The following SLC35F1 variants were observed in gnomAD, a reference collection of about 807,000 sequenced individuals.
The protein encoded by SLC35F1 is solute carrier family 35 member F1, also known as chromosome 6 open reading frame 169.
A neutral mutation model predicts 48.7 loss-of-function variants in SLC35F1; 14 were observed. That is an observed-to-expected ratio of 0.29 (90% CI 0.19 to 0.45). The LOEUF (loss-of-function observed/expected upper bound fraction) is 0.45, where lower values mean the gene tolerates loss of function less well. Among genes scored for constraint, SLC35F1 ranks in the 20% least tolerant of loss-of-function variants. The probability of loss-of-function intolerance (pLI) is 1.00; values close to 1 mark genes in which losing one functional copy is unlikely to be tolerated. For synonymous variants in SLC35F1, 190 were observed against 202.2 expected (o/e 0.94, Z 0.51); for missense variants, 404 against 500.0 (o/e 0.81, Z 1.83).
At position 117,907,308 on chromosome 6, in the gene SLC35F1, C is replaced by T. The variant is rs1487773347; in HGVS notation, c.-419C>T. On this transcript the variant is annotated 5_prime_UTR_variant, in exon 1 of 8. Coordinates refer to ENST00000360388, the MANE Select transcript of SLC35F1 (RefSeq NM_001029858.4). ...CCGAGCGGGGCACAGGCTGAGGCGG[C>T]GCCAGCACAACTGCCGCCGCGCGCC... 6.6e-6 allele frequency among the ~76,000 whole-genome samples: 1 copy of T among 150,848 alleles called. No individual in the cohort carries two copies. The highest frequency in any genetic ancestry group is 2.4e-5 in the African/African-American group (1 of 41,220).
chr6:118,160,619 G>A (rs548042049), intron 2 of SLC35F1, among the ~76,000 whole-genome samples: 2 of 152,218 alleles, frequency 1.3e-5, no homozygotes, highest in East Asian at 1.9e-4. Context: ...AAATCCTAGA[G>A]GTCTAGGTTC....
chr6:118,255,967 A>G (rs1004509104), intron 3 of SLC35F1, among the ~76,000 whole-genome samples: 3 of 151,994 alleles, frequency 2.0e-5, no homozygotes, highest in African/African-American at 7.3e-5. Flanking sequence ...TCTGAGAAGG[A>G]AAAAAAATCT....
intron 1 of SLC35F1, among the ~76,000 whole-genome samples, chr6:117,991,281 G>A (rs1202077336): frequency 2.0e-5 from 3 of 151,648 alleles, no homozygotes; most frequent in East Asian, 1.9e-4. Flanking sequence ...TAATTTTGAA[G>A]TTCTTTCAGA....
At chr6:118,082,182 C>T (rs560166165) in intron 1 of SLC35F1, among the ~76,000 whole-genome samples, 120 of 152,258 alleles carry the variant, frequency 7.9e-4, no homozygotes, top group African/African-American at 2.8e-3. Context: ...AGGGTCTAGG[C>T]AATTACGATT....
chr6:117,981,174 T>C (rs989663637), intron 1 of SLC35F1, among the ~76,000 whole-genome samples: 2 of 152,156 alleles, frequency 1.3e-5, no homozygotes, highest in African/African-American at 4.8e-5. Flanking sequence ...TTTTGTATTT[T>C]GGTCATGTTG....
chr6:117,970,494 A>G (rs770649085), intron 1 of SLC35F1, among the ~76,000 whole-genome samples: 4 of 152,206 alleles, frequency 2.6e-5, no homozygotes, highest in African/African-American at 7.2e-5. Context: ...TTTCCTTGTC[A>G]GCTCCTTGTG....
intron 3 of SLC35F1, among the ~76,000 whole-genome samples, chr6:118,258,282 C>G (rs183484504): frequency 1.3e-5 from 2 of 152,064 alleles, no homozygotes; most frequent in African/African-American, 4.8e-5. Context: ...ATTTTTCTAA[C>G]GAAAACCCTC....
At chr6:117,974,100 G>A (rs1174370485) in intron 1 of SLC35F1, among the ~76,000 whole-genome samples, 1 of 152,142 alleles carries the variant, frequency 6.6e-6, no homozygotes, top group Admixed American at 6.5e-5. Context: ...TGGACAAATT[G>A]TTTAATCTCT....
At chr6:118,039,277 ATTTT>A (rs150257537) in intron 1 of SLC35F1, among the ~76,000 whole-genome samples, 1 of 151,244 alleles carries the variant, frequency 6.6e-6, no homozygotes, top group Non-Finnish European at 1.5e-5. Context: ...TCATGTCAAG[ATTTT>A]TTTTTCTTTA....
chr6:118,232,412 G>A (rs969106245), intron 2 of SLC35F1, among the ~76,000 whole-genome samples: 1 of 152,010 alleles, frequency 6.6e-6, no homozygotes, highest in Non-Finnish European at 1.5e-5. Flanking sequence ...GCTGGGCGTG[G>A]TGGTGCATGC....
At chr6:118,179,874 A>G (rs1263952317) in intron 2 of SLC35F1, among the ~76,000 whole-genome samples, 2 of 152,126 alleles carry the variant, frequency 1.3e-5, no homozygotes, top group Non-Finnish European at 2.9e-5. Context: ...GTAGTGTTCT[A>G]GAACCTGGGT....
At chr6:117,913,040 T>C (rs372178383) in intron 1 of SLC35F1, among the ~76,000 whole-genome samples, 1 of 152,240 alleles carries the variant, frequency 6.6e-6, no homozygotes, top group East Asian at 1.9e-4. Flanking sequence ...AGTTACTTAA[T>C]GCAAGAGATG....
At chr6:118,170,432 T>C (rs1049800748) in intron 2 of SLC35F1, among the ~76,000 whole-genome samples, 1 of 152,152 alleles carries the variant, frequency 6.6e-6, no homozygotes, top group South Asian at 2.1e-4. Flanking sequence ...GATAACATTA[T>C]AACCATTTTC....
chr6:118,115,309 C>A (rs997731505), intron 1 of SLC35F1, among the ~76,000 whole-genome samples: 11 of 152,126 alleles, frequency 7.2e-5, no homozygotes, highest in African/African-American at 2.7e-4. Context: ...GACCACATAG[C>A]AGGCATGCAC....
chr6:118,102,432 C>T (rs900436944), intron 1 of SLC35F1, among the ~76,000 whole-genome samples: 2 of 152,158 alleles, frequency 1.3e-5, no homozygotes, highest in African/African-American at 4.8e-5. Flanking sequence ...GATCCTTCCA[C>T]CTTGGACTCC....
chr6:118,120,527 A>G (rs1773539151), intron 1 of SLC35F1, among the ~76,000 whole-genome samples: 1 of 152,142 alleles, frequency 6.6e-6, no homozygotes. Context: ...ACCCCCTACA[A>G]CTTATCCACC....
Position 118,150,964 on chromosome 6 carries a change from A to G in SLC35F1, c.174-3481A>G, listed in dbSNP as rs144161289. Among the ~76,000 whole-genome samples the G allele has an allele frequency of 3.9e-5, 6 of 152,244 alleles. No homozygotes were observed. In the East Asian group the frequency reaches 1.2e-3, roughly 29 times the overall value. On this transcript the variant is annotated intron_variant, in intron 1 of 7. Coordinates refer to ENST00000360388, the MANE Select transcript of SLC35F1 (RefSeq NM_001029858.4). ...TGTTCTCTTGGTTTTCATGACACCAATACGGCTGTTATTCTCCACTCAACC... is the reference window on the plus strand; with the variant it reads ...TGTTCTCTTGGTTTTCATGACACCAGTACGGCTGTTATTCTCCACTCAACC...
At chr6:117,961,419 C>G (rs1231659594) in intron 1 of SLC35F1, among the ~76,000 whole-genome samples, 2 of 152,154 alleles carry the variant, frequency 1.3e-5, no homozygotes, top group Non-Finnish European at 2.9e-5. Context: ...TCCTTCCCAG[C>G]TGATGCTCAG....
At chr6:118,193,124 T>C (rs1774753949) in intron 2 of SLC35F1, among the ~76,000 whole-genome samples, 1 of 152,204 alleles carries the variant, frequency 6.6e-6, no homozygotes, top group Non-Finnish European at 1.5e-5. Context: ...CTTTTAATAT[T>C]ACATGAAAAT....
Sources: gnomAD v4.1 joint callset for allele counts (sites outside exome capture counted in the v4.1 genomes callset) on GRCh38, gnomAD v4.1.1 for gene constraint, MANE v1.5 for transcripts, NCBI Gene and HGNC (gene_info 2026-07-23, HGNC 2026-07-21) for gene names.